Variants in HS2ST1 observed in about 807,000 individuals in gnomAD.
HS2ST1 encodes the protein heparan sulfate 2-O-sulfotransferase 1.
Under a neutral mutation model 42.9 loss-of-function variants are expected in HS2ST1, and 18 were observed. The observed-to-expected ratio is 0.42, with a 90% CI of 0.29 to 0.62. The LOEUF (loss-of-function observed/expected upper bound fraction) is 0.62, where lower values mean the gene tolerates loss of function less well. HS2ST1 is among the 20% of genes least tolerant of loss of function. The pLI, the probability that HS2ST1 is intolerant of heterozygous loss-of-function variation, is 0.21. For missense variants in HS2ST1, 334 were observed against 433.8 expected (o/e 0.77, Z 2.04); for synonymous variants, 146 against 152.9 (o/e 0.95, Z 0.33).
rs1420525690 is a variant in HS2ST1 at position 87,109,412 on chromosome 1, G to A, written c.*4716G>A. ...CTTCATTGCTGGTAATAAAATTTCA[G>A]ATGGAAAACTTACAAAATATATACT... On this transcript the variant is annotated 3_prime_UTR_variant, in exon 7 of 7. Transcript: ENST00000370550. 6.6e-6 allele frequency: 1 copy of A among 151,936 alleles called. No homozygotes were observed. The highest frequency in any genetic ancestry group is 1.9e-4 in the East Asian group (1 of 5,194). The allele number at this position is 151,936 out of a possible 1,614,324, so 9.4% of individuals were successfully genotyped here.
chr1:87,011,547 C>G (rs114975746), intron 1 of HS2ST1, among the ~76,000 whole-genome samples: 3,588 of 152,138 alleles, frequency 0.024, 131 homozygotes, highest in African/African-American at 0.082. Context: ...CCAGCTGTTC[C>G]CCAGTATTCT....
chr1:87,025,231 G>A (rs1650054619), intron 1 of HS2ST1, among the ~76,000 whole-genome samples: 1 of 152,246 alleles, frequency 6.6e-6, no homozygotes, highest in African/African-American at 2.4e-5. Context: ...GACCTGAGGA[G>A]ATGGTCCTGC....
At chr1:86,961,259 C>G (rs1020108321) in intron 1 of HS2ST1, among the ~76,000 whole-genome samples, 6 of 151,574 alleles carry the variant, frequency 4.0e-5, no homozygotes, top group African/African-American at 1.5e-4. Flanking sequence ...ATTCCTTGAA[C>G]TATACAAGCA....
At chr1:87,055,420 C>T (rs1453758376) in intron 1 of HS2ST1, among the ~76,000 whole-genome samples, 1 of 152,178 alleles carries the variant, frequency 6.6e-6, no homozygotes, top group Non-Finnish European at 1.5e-5. Context: ...AACCCATTAA[C>T]CTATCTCCTT....
At chr1:87,049,850 G>A (rs1458525817) in intron 1 of HS2ST1, among the ~76,000 whole-genome samples, 3 of 152,018 alleles carry the variant, frequency 2.0e-5, no homozygotes, top group East Asian at 3.8e-4. Context: ...GAGCATGATG[G>A]TGAAATCTTT....
intron 1 of HS2ST1, among the ~76,000 whole-genome samples, chr1:86,945,022 TC>T (rs1275766803): frequency 6.6e-6 from 1 of 152,148 alleles, no homozygotes; most frequent in Non-Finnish European, 1.5e-5. Flanking sequence ...ATCTCTTATA[TC>T]CCTCTAAATT....
At chr1:87,087,522 A>G (rs865923332) in intron 3 of HS2ST1, among the ~76,000 whole-genome samples, 3 of 152,256 alleles carry the variant, frequency 2.0e-5, no homozygotes, top group Middle Eastern at 6.8e-3. Context: ...GAGGTGAATC[A>G]GTAAAGAAGC....
At chr1:87,045,145 T>G in intron 1 of HS2ST1, 1 of 853,058 alleles carries the variant, frequency 1.2e-6, no homozygotes, top group Non-Finnish European at 2.0e-6. Flanking sequence ...CCATCATTAC[T>G]GCCATTGGTT....
chr1:87,047,440 G>A (rs1650712436), intron 1 of HS2ST1, among the ~76,000 whole-genome samples: 2 of 152,038 alleles, frequency 1.3e-5, no homozygotes, highest in South Asian at 4.2e-4. Context: ...CTATATTGAT[G>A]TTTGTTTTTG....
chr1:87,065,325 T>C (rs1417736983), intron 1 of HS2ST1, among the ~76,000 whole-genome samples: 8 of 152,204 alleles, frequency 5.3e-5, no homozygotes, highest in Non-Finnish European at 1.2e-4. Flanking sequence ...CTTATCTAGC[T>C]CTACAATAGG....
At chr1:86,920,125 T>C (rs1660263078) in intron 1 of HS2ST1, among the ~76,000 whole-genome samples, 1 of 152,248 alleles carries the variant, frequency 6.6e-6, no homozygotes, top group Non-Finnish European at 1.5e-5. Context: ...GTTTTAGCAT[T>C]GTAAATAATA....
At chr1:87,063,725 T>C (rs564753068) in intron 1 of HS2ST1, among the ~76,000 whole-genome samples, 197 of 152,338 alleles carry the variant, frequency 1.3e-3, no homozygotes, top group African/African-American at 4.5e-3. Flanking sequence ...ATGTTCATAA[T>C]TGCTCATTAA....
At chr1:86,938,548 T>A (rs1923144) in intron 1 of HS2ST1, among the ~76,000 whole-genome samples, 2 of 151,946 alleles carry the variant, frequency 1.3e-5, no homozygotes, top group Admixed American at 1.3e-4. Flanking sequence ...CATAACTTTT[T>A]TGATAGTTAT....
At position 87,093,322 on chromosome 1, in the gene HS2ST1, A is replaced by C. The variant is rs535776762; in HGVS notation, c.588+653A>C. On this transcript the variant is annotated intron_variant, in intron 4 of 6. Coordinates refer to ENST00000370550, the MANE Select transcript of HS2ST1 (RefSeq NM_012262.4). Reference sequence around the variant, plus strand: ...AGGTGTCCAGTGCTTCGGCCACATGAAATGTCACCATCCTCTGAACTTATT... The same window carrying C: ...AGGTGTCCAGTGCTTCGGCCACATGCAATGTCACCATCCTCTGAACTTATT... Among the ~76,000 whole-genome samples the C allele has an allele frequency of 3.3e-5, 5 of 152,210 alleles. No homozygotes were observed. The South Asian group carries it at 1.0e-3, about 32-fold the overall frequency.
At chr1:86,926,219 C>G (rs1660416467) in intron 1 of HS2ST1, among the ~76,000 whole-genome samples, 1 of 152,116 alleles carries the variant, frequency 6.6e-6, no homozygotes, top group Non-Finnish European at 1.5e-5. Context: ...GAGTGAATTC[C>G]CAAAATTGTT....
At position 87,092,660 on chromosome 1, in the gene HS2ST1, A is replaced by T; in HGVS notation, c.579A>T (p.Gly193=). The T allele has an allele frequency of 2.6e-6, 4 of 1,531,818 alleles. No individual in the cohort carries two copies. Among genetic ancestry groups the T allele is most frequent in the Non-Finnish European group, 3.5e-6 (4 of 1,144,550 alleles). 94.9% of individuals were successfully genotyped at this position (1,531,818 alleles called of 1,614,324 possible). The change falls in exon 4 of 7, where the codon GGA becomes GGT. Residue 193 remains glycine, a synonymous_variant. Transcript: ENST00000370550. ...CAGGGTTACGGAGACGAAAACAAGG[A>T]GACAAAAAGGTAATATTTTAGTTTT... ...YRPGLRRRKQ[G]DKKTFDECVA...
At chr1:86,969,598 TAGA>T (rs1648168759) in intron 1 of HS2ST1, among the ~76,000 whole-genome samples, 1 of 152,172 alleles carries the variant, frequency 6.6e-6, no homozygotes, top group South Asian at 2.1e-4. Flanking sequence ...TCATATGAAG[TAGA>T]AGAGTTAATT....
At chr1:86,949,093 A>G (rs951907231) in intron 1 of HS2ST1, among the ~76,000 whole-genome samples, 5 of 152,150 alleles carry the variant, frequency 3.3e-5, no homozygotes, top group African/African-American at 1.2e-4. Flanking sequence ...TTAAAAAATG[A>G]TAAAAAATTT....
intron 1 of HS2ST1, among the ~76,000 whole-genome samples, chr1:86,936,524 CAAAT>C (rs1660656198): frequency 2.6e-5 from 4 of 152,092 alleles, no homozygotes; most frequent in Middle Eastern, 3.2e-3. Context: ...ATAATCATTT[CAAAT>C]AAATCATGTA....
Sources: allele counts gnomAD v4.1 joint callset (sites outside exome capture counted in the v4.1 genomes callset), GRCh38; gene constraint gnomAD v4.1.1; transcripts MANE v1.5; gene names NCBI Gene and HGNC (gene_info 2026-07-23, HGNC 2026-07-21).